The following PCDH9 variants were observed in gnomAD, a reference collection of about 807,000 sequenced individuals.
The protein encoded by PCDH9 is protocadherin-9.
A neutral mutation model predicts 70.6 loss-of-function variants in PCDH9; 24 were observed. The ratio of observed to expected loss-of-function variants is 0.34; its 90% CI spans 0.25 to 0.48. PCDH9 has a LOEUF of 0.48. PCDH9 is among the 20% of genes least tolerant of loss of function. The probability of loss-of-function intolerance (pLI) is 0.99; values close to 1 mark genes in which losing one functional copy is unlikely to be tolerated. For synonymous variants in PCDH9, 562 were observed against 558.5 expected, an observed-to-expected ratio of 1.01 and a Z score of -0.09; for missense variants, 1,281 against 1,503.6, an observed-to-expected ratio of 0.85 and a Z score of 2.45.
chr13:66,953,171 T>C (rs908007229), intron 2 of PCDH9, among the ~76,000 whole-genome samples: 6 of 152,116 alleles, frequency 3.9e-5, no homozygotes, highest in Admixed American at 2.0e-4. Context: ...AACATACATA[T>C]ATAAACACAT....
At chr13:67,086,524 G>T (rs1203325405) in intron 2 of PCDH9, among the ~76,000 whole-genome samples, 6 of 152,136 alleles carry the variant, frequency 3.9e-5, no homozygotes, top group Non-Finnish European at 7.4e-5. Flanking sequence ...ATTGAAAGAG[G>T]TAAGTGGCCA....
intron 4 of PCDH9, among the ~76,000 whole-genome samples, chr13:66,456,694 A>G (rs1403070291): frequency 6.6e-6 from 1 of 152,056 alleles, no homozygotes; most frequent in African/African-American, 2.4e-5. Flanking sequence ...ATTGTTCAAA[A>G]TGTCATAGCC....
chr13:66,707,925 T>G (rs1045717594), intron 3 of PCDH9, among the ~76,000 whole-genome samples: 2 of 152,248 alleles, frequency 1.3e-5, no homozygotes, highest in Admixed American at 6.5e-5. Flanking sequence ...CACACCAATT[T>G]CTTAACACCA....
chr13:66,513,926 A>G (rs1242001717), intron 4 of PCDH9, among the ~76,000 whole-genome samples: 2 of 151,988 alleles, frequency 1.3e-5, no homozygotes, highest in Non-Finnish European at 2.9e-5. Context: ...TCAGAAAGCT[A>G]TTTCCTGGCA....
intron 3 of PCDH9, among the ~76,000 whole-genome samples, chr13:66,902,007 T>G (rs2082283641): frequency 6.6e-6 from 1 of 151,666 alleles, no homozygotes; most frequent in Non-Finnish European, 1.5e-5. Flanking sequence ...ACCTTAATCT[T>G]TACTTATGAG....
intron 2 of PCDH9, among the ~76,000 whole-genome samples, chr13:67,195,150 CT>C (rs11427310): frequency 1.5e-3 from 221 of 144,700 alleles, no homozygotes; most frequent in East Asian, 2.0e-3. Flanking sequence ...TTCATACTTT[CT>C]TTTTTTTTTT....
At chr13:66,864,656 C>A (rs1042417135) in intron 3 of PCDH9, among the ~76,000 whole-genome samples, 5 of 152,150 alleles carry the variant, frequency 3.3e-5, no homozygotes, top group Non-Finnish European at 5.9e-5. Context: ...TTTTTTCCTG[C>A]CCCCAAAATT....
chr13:66,414,598 G>T lies in PCDH9; in HGVS notation c.3341-109570C>A, dbSNP rs1566307614. 3.9e-5 allele frequency among the ~76,000 whole-genome samples: 6 copies of T among 152,294 alleles called. No homozygotes were observed. In the South Asian group the frequency reaches 1.2e-3, roughly 32 times the overall value. ...CTGTATGCCTATAAAAATAGCTAAT[G>T]AAGTCCAGGAGTTAAAGAATTTTAA... is the stretch of plus-strand genomic sequence containing the variant. On this transcript the variant is annotated intron_variant, in intron 4 of 4. Transcript: ENST00000377865.
At chr13:66,467,068 A>G (rs1191269708) in intron 4 of PCDH9, among the ~76,000 whole-genome samples, 1 of 152,068 alleles carries the variant, frequency 6.6e-6, no homozygotes, top group Non-Finnish European at 1.5e-5. Context: ...TCCTAATACA[A>G]TGGGGAAGTA....
At chr13:66,887,381 G>GA (rs989213080) in intron 3 of PCDH9, among the ~76,000 whole-genome samples, 36 of 144,974 alleles carry the variant, frequency 2.5e-4, no homozygotes, top group Middle Eastern at 3.5e-3. Flanking sequence ...TTCTGCCCTA[G>GA]AAAAAAAAAA....
At chr13:67,194,334 T>A (rs1047454754) in intron 2 of PCDH9, among the ~76,000 whole-genome samples, 3 of 151,418 alleles carry the variant, frequency 2.0e-5, no homozygotes, top group African/African-American at 7.3e-5. Context: ...CAATCATGAC[T>A]GTGGAAAACT....
Position 67,226,274 on chromosome 13 carries a change from T to C in PCDH9, c.2167A>G (p.Lys723Glu), listed in dbSNP as rs1207481018. ...LKYTIVSGNN[K>E]GLFRIDPVTG... The stretch of plus-strand genomic sequence containing the variant: ...ACTGGATCAATCCGGAATAAGCCTT[T>C]ATTGTTTCCACTCACTATAGTATAC... The change falls in exon 2 of 5, where the codon AAA (lysine) becomes GAA (glutamate). Residue 723 changes from lysine (K) to glutamate (E), a missense_variant. Coordinates refer to ENST00000377865, the MANE Select transcript of PCDH9 (RefSeq NM_203487.3). The surrounding 1 kb of genome is among the most constrained non-coding windows in gnomAD (Gnocchi z 5.0). The C allele has an allele frequency of 6.2e-7, 1 of 1,614,194 alleles. No individual in the cohort carries two copies. The highest frequency in any genetic ancestry group is 8.5e-7 in the Non-Finnish European group (1 of 1,180,038).
At chr13:66,344,710 T>C (rs1242350443) in intron 4 of PCDH9, among the ~76,000 whole-genome samples, 4 of 152,318 alleles carry the variant, frequency 2.6e-5, no homozygotes, top group African/African-American at 9.6e-5. Context: ...GATGCCTTTA[T>C]TTCTGAGATA....
intron 4 of PCDH9, among the ~76,000 whole-genome samples, chr13:66,325,620 G>A (rs1358517689): frequency 6.6e-6 from 1 of 151,948 alleles, no homozygotes; most frequent in African/African-American, 2.4e-5. Context: ...TTAGACTAAT[G>A]GTACTTAAGA....
chr13:66,736,818 G>C (rs2079156381), intron 3 of PCDH9, among the ~76,000 whole-genome samples: 2 of 152,138 alleles, frequency 1.3e-5, no homozygotes, highest in African/African-American at 4.8e-5. Context: ...ACACCTATCT[G>C]AATCCAATCT....
Position 66,853,866 on chromosome 13 carries a change from C to T in PCDH9, c.3138+49638G>A, listed in dbSNP as rs189865025. Among the ~76,000 whole-genome samples the T allele has an allele frequency of 2.8e-3, 420 of 152,076 alleles. 2 individuals are homozygous for T. Among genetic ancestry groups the T allele is most frequent in the Middle Eastern group, 0.014 (4 of 294 alleles). On this transcript the variant is annotated intron_variant, in intron 3 of 4. Coordinates refer to ENST00000377865, the MANE Select transcript of PCDH9 (RefSeq NM_203487.3). ...CTGGGACTAAAAGCACATGCCACCA[C>T]ACCCAGCTATGAATCATTTTTAATG...
intron 2 of PCDH9, among the ~76,000 whole-genome samples, chr13:66,925,926 C>T (rs763987386): frequency 1.2e-4 from 18 of 152,040 alleles, no homozygotes; most frequent in Non-Finnish European, 1.8e-4. Context: ...ACCCAAATTA[C>T]GATGTTATAT....
chr13:67,057,993 C>A (rs948219052), intron 2 of PCDH9, among the ~76,000 whole-genome samples: 2 of 152,040 alleles, frequency 1.3e-5, no homozygotes, highest in Admixed American at 1.3e-4. Context: ...TACACATTCC[C>A]AATTTATATC....
chr13:66,695,381 T>A (rs2078548130), intron 3 of PCDH9, among the ~76,000 whole-genome samples: 1 of 152,144 alleles, frequency 6.6e-6, no homozygotes, highest in Non-Finnish European at 1.5e-5. Flanking sequence ...AGCTACTATA[T>A]CCCCAAGACT....
Sources: gnomAD v4.1 joint callset for allele counts (sites outside exome capture counted in the v4.1 genomes callset) on GRCh38, gnomAD v4.1.1 for gene constraint, Gnocchi (gnomAD v3.1) non-coding constraint, MANE v1.5 for transcripts, NCBI Gene and HGNC (gene_info 2026-07-23, HGNC 2026-07-21) for gene names.